CANX: variants seen among roughly 807,000 people sequenced by gnomAD.
CANX encodes calnexin.
In CANX, 14 loss-of-function variants were observed where a neutral mutation model predicts 75.7. The ratio of observed to expected loss-of-function variants is 0.19; its 90% CI spans 0.12 to 0.29. The LOEUF is 0.29. Among genes scored for constraint, CANX ranks in the 10% least tolerant of loss-of-function variants. The probability of loss-of-function intolerance (pLI) is 1.00; values close to 1 mark genes in which losing one functional copy is unlikely to be tolerated. For missense variants in CANX, 567 were observed against 713.2 expected, an observed-to-expected ratio of 0.79 and a Z score of 2.34; for synonymous variants, 227 against 236.9, an observed-to-expected ratio of 0.96 and a Z score of 0.38.
chr5:179,684,673 G>A (rs912020709), intron 1 of CANX, among the ~76,000 whole-genome samples: 7 of 151,686 alleles, frequency 4.6e-5, no homozygotes, highest in Non-Finnish European at 1.5e-5. Context: ...GTGGTAGCGT[G>A]TCTAAATTGT....
In CANX at chr5:179,691,482, G is replaced by T. The variant is rs74952000; in HGVS notation, c.-4+12705G>T. 2.1e-3 allele frequency among the ~76,000 whole-genome samples: 320 copies of T among 152,152 alleles called. 1 individual carries two copies. The highest frequency in any genetic ancestry group is 7.4e-3 in the African/African-American group (307 of 41,524). On this transcript the variant is annotated intron_variant, in intron 1 of 14. Coordinates refer to the CANX transcript ENST00000681674. ...AGCATTTTGTGAGGTCAGGGTGGGAGGATCCCTTTAAGCCCAGGAGTTTGA... is the reference window on the plus strand; with the variant it reads ...AGCATTTTGTGAGGTCAGGGTGGGATGATCCCTTTAAGCCCAGGAGTTTGA...
At chr5:179,723,162 G>T in intron 11 of CANX, 143 bp downstream of exon 11, 1 of 680,492 alleles carries the variant, frequency 1.5e-6, no homozygotes. Flanking sequence ...ACACAATATT[G>T]GGTTTTGGGG....
intron 1 of CANX, chr5:179,679,145 T>C (rs1163414439): frequency 6.5e-7 from 1 of 1,535,442 alleles, no homozygotes; most frequent in Non-Finnish European, 8.7e-7. Context: ...TGCCAGGGCG[T>C]GGACCTTGTA....
intron 1 of CANX, among the ~76,000 whole-genome samples, chr5:179,703,207 C>CTGGTGGAG (rs1342173948): frequency 4.6e-5 from 7 of 151,394 alleles, no homozygotes; most frequent in African/African-American, 1.7e-4. Context: ...GCCACCGCGC[C>CTGGTGGAG]TGGTGGAGTG....
In CANX at chr5:179,708,278, C is replaced by T. The variant is rs2113153095; in HGVS notation, c.344C>T (p.Pro115Leu). Residue 115 changes from proline to leucine, a missense_variant, in exon 5 of 15, where the codon CCA becomes CTA. By Grantham distance (98) the Pro-to-Leu change is moderately conservative. Coordinates refer to ENST00000247461, the MANE Select transcript of CANX (RefSeq NM_001746.4). ...GAGGAAATGAAGGAGTCAAAGCTTC[C>T]AGGTGATAAAGGACTTGTGTTGATG... ...EVEEMKESKL[P>L]GDKGLVLMSR... The T allele has an allele frequency of 6.2e-7, 1 of 1,613,518 alleles. No homozygotes were observed. The highest frequency in any genetic ancestry group is 8.5e-7 in the Non-Finnish European group (1 of 1,179,560).
At chr5:179,709,773 A>G (rs919650527) in intron 6 of CANX, 100 bp from the exon 7 acceptor site, 34 of 749,558 alleles carry the variant, frequency 4.5e-5, no homozygotes, top group Non-Finnish European at 1.5e-5. Flanking sequence ...TCACTAATAT[A>G]TTTGGAATTT....
rs868822397 is a variant in CANX at position 179,722,972 on chromosome 5, G to A, written c.1351G>A (p.Ala451Thr). 1.2e-6 allele frequency: 2 copies of A among 1,614,126 alleles called. No individual in the cohort carries two copies. Among genetic ancestry groups the A allele is most frequent in the Non-Finnish European group, 1.7e-6 (2 of 1,179,986 alleles). Reference sequence around the variant, plus strand: ...TGATCGAAGAATAGTTGATGATTGGGCCAATGATGGATGGGGCCTGAAGAA... The same window carrying A: ...TGATCGAAGAATAGTTGATGATTGGACCAATGATGGATGGGGCCTGAAGAA... ...CADRRIVDDW[A>T]NDGWGLKKAA... Residue 451 changes from alanine (A) to threonine (T), a missense_variant, in exon 11 of 15, where the codon GCC (alanine) becomes ACC (threonine). Physicochemically the swap from Ala to Thr is moderately conservative, Grantham distance 58. Around this residue, in one of 3 missense-constraint regions of CANX, gnomAD observed 167 missense variants for 179.3 expected, o/e 0.93. Transcript: ENST00000247461.
chr5:179,716,655 T>C (rs1393827049), intron 8 of CANX, among the ~76,000 whole-genome samples: 1 of 152,230 alleles, frequency 6.6e-6, no homozygotes, highest in African/African-American at 2.4e-5. Flanking sequence ...ATAACCTTTT[T>C]CCTATTTAAA....
At chr5:179,683,866 G>A (rs1271128736) in intron 1 of CANX, among the ~76,000 whole-genome samples, 6 of 152,128 alleles carry the variant, frequency 3.9e-5, no homozygotes, top group South Asian at 2.1e-4. Context: ...TTGGCTTCTC[G>A]CCGCATAATT....
intron 1 of CANX, chr5:179,678,988 G>A: frequency 6.5e-7 from 1 of 1,535,926 alleles, no homozygotes; most frequent in Non-Finnish European, 8.7e-7. Context: ...GCGTGTTGTG[G>A]TCCAGCAGGT....
chr5:179,698,074 A>G (rs866286150), upstream of CANX, among the ~76,000 whole-genome samples: 4 of 152,254 alleles, frequency 2.6e-5, no homozygotes, highest in Middle Eastern at 0.01. Flanking sequence ...CAAATAGAGA[A>G]CAAGAGATCA....
At chr5:179,719,838 T>C (rs1778193510) in intron 9 of CANX, 57 bp downstream of exon 9, 1 of 987,090 alleles carries the variant, frequency 1.0e-6, no homozygotes, top group South Asian at 1.5e-5. Flanking sequence ...GTTTTTTTTT[T>C]TGAGATGGAG....
intron 11 of CANX, chr5:179,723,383 T>C: frequency 2.3e-6 from 1 of 443,914 alleles, no homozygotes; most frequent in Non-Finnish European, 3.9e-6. Context: ...CCAGGGATAC[T>C]GAGATAAGAA....
chr5:179,689,188 A>G (rs1381935692), intron 1 of CANX, among the ~76,000 whole-genome samples: 1 of 151,646 alleles, frequency 6.6e-6, no homozygotes, highest in African/African-American at 2.4e-5. Flanking sequence ...CAGAGGTTGC[A>G]GTGAGCAGAG....
intron 1 of CANX, among the ~76,000 whole-genome samples, chr5:179,682,670 A>C (rs2113026553): frequency 7.0e-6 from 1 of 142,106 alleles, no homozygotes; most frequent in African/African-American, 2.7e-5. Context: ...AGATCACACC[A>C]CTGTACTCCA....
chr5:179,697,168 C>T (rs2113066151), upstream of CANX, among the ~76,000 whole-genome samples: 1 of 152,222 alleles, frequency 6.6e-6, no homozygotes, highest in East Asian at 1.9e-4. Context: ...GTCAAGGATA[C>T]TCCTGCCTCA....
Position 179,715,871 on chromosome 5 carries a change from T to G in CANX, c.722-234T>G, listed in dbSNP as rs1223881183. On this transcript the variant is annotated intron_variant, in intron 7 of 14. Transcript: ENST00000247461. ...AAGTCAAGTCTTTGGTGTTAAAGAT[T>G]TTAACTATCATTTGCTGTAATTCTT... The G allele has an allele frequency of 6.8e-6, 4 of 592,242 alleles. No homozygotes were observed. In the African/African-American group the frequency reaches 7.5e-5, roughly 11 times the overall value. 36.7% of individuals were successfully genotyped at this position (592,242 alleles called of 1,614,324 possible).
chr5:179,683,276 C>T (rs1056434300), intron 1 of CANX, among the ~76,000 whole-genome samples: 6 of 151,974 alleles, frequency 3.9e-5, no homozygotes, highest in African/African-American at 7.2e-5. Flanking sequence ...TACAGGCACC[C>T]GCCACCATGC....
chr5:179,692,485 A>T (rs1485690626), intron 1 of CANX, among the ~76,000 whole-genome samples: 1 of 152,024 alleles, frequency 6.6e-6, no homozygotes, highest in Non-Finnish European at 1.5e-5. Flanking sequence ...ATGGAGGATG[A>T]TCACTTGGAG....
Sources: allele counts gnomAD v4.1 joint callset (sites outside exome capture counted in the v4.1 genomes callset), GRCh38; gene constraint gnomAD v4.1.1; regional missense constraint gnomAD v4.1.1; transcripts MANE v1.5; gene names NCBI Gene and HGNC (gene_info 2026-07-23, HGNC 2026-07-21).